Variants in RASGEF1A observed in about 807,000 individuals in gnomAD.
RASGEF1A encodes the protein RasGEF domain family member 1A, also known as ras-GEF domain-containing family member 1A.
A neutral mutation model predicts 56.4 loss-of-function variants in RASGEF1A; 18 were observed. That is an observed-to-expected ratio of 0.32 (90% CI 0.22 to 0.47). The LOEUF (loss-of-function observed/expected upper bound fraction) is 0.47. RASGEF1A is among the 20% of genes least tolerant of loss of function. RASGEF1A has a pLI of 1.00. For synonymous variants in RASGEF1A, 245 were observed against 242.6 expected (o/e 1.01, Z -0.09); for missense variants, 422 against 627.1 (o/e 0.67, Z 3.49).
In RASGEF1A at chr10:43,229,845, C is replaced by T. The variant is rs957465910; in HGVS notation, c.-6-23723G>A. 7 of 828,458 alleles carry T rather than the reference C, an allele frequency of 8.4e-6. No individual in the cohort carries two copies. The African/African-American group carries it at 1.3e-4, about 15-fold the overall frequency. The allele number at this position is 828,458 out of a possible 1,614,324, so 51.3% of individuals were successfully genotyped here. Reference sequence around the variant, plus strand: ...TGGGGACCGCGGGGTCCGGGCGGGGCAGAGGGGCCGCGAGGCCGGCCAGGA... The same window carrying T: ...TGGGGACCGCGGGGTCCGGGCGGGGTAGAGGGGCCGCGAGGCCGGCCAGGA... On this transcript the variant is annotated intron_variant, in intron 1 of 12. Transcript: ENST00000395810.
At chr10:43,225,781 T>C (rs544270530) in intron 1 of RASGEF1A, among the ~76,000 whole-genome samples, 1 of 152,052 alleles carries the variant, frequency 6.6e-6, no homozygotes, top group Non-Finnish European at 1.5e-5. Flanking sequence ...CAGTCCCTGT[T>C]TTAAGGACAT....
chr10:43,248,155 A>G (rs1265638344), intron 1 of RASGEF1A, among the ~76,000 whole-genome samples: 1 of 151,938 alleles, frequency 6.6e-6, no homozygotes, highest in Non-Finnish European at 1.5e-5. Flanking sequence ...GAGGAGTTCG[A>G]GACCAGCCTG....
intron 1 of RASGEF1A, among the ~76,000 whole-genome samples, chr10:43,212,770 G>A (rs1003299292): frequency 2.0e-5 from 3 of 152,334 alleles, no homozygotes; most frequent in Admixed American, 6.5e-5. Context: ...ACGTTCTGGA[G>A]CTCAGCCTCA....
At chr10:43,252,132 C>A (rs574387492) in intron 1 of RASGEF1A, among the ~76,000 whole-genome samples, 1 of 152,208 alleles carries the variant, frequency 6.6e-6, no homozygotes, top group South Asian at 2.1e-4. Context: ...CTGGGGCAGG[C>A]CCCCAGAAGC....
At chr10:43,255,283 C>A (rs1051376339) in intron 1 of RASGEF1A, among the ~76,000 whole-genome samples, 2 of 152,300 alleles carry the variant, frequency 1.3e-5, no homozygotes, top group Admixed American at 6.5e-5. Context: ...CCCAGCCCTG[C>A]CCGCCTAGGC....
intron 1 of RASGEF1A, among the ~76,000 whole-genome samples, chr10:43,238,648 G>A (rs1840466089): frequency 6.6e-6 from 1 of 152,190 alleles, no homozygotes; most frequent in African/African-American, 2.4e-5. Context: ...GCAGGGGAGA[G>A]GCTGTCTGTG....
At chr10:43,237,308 C>A (rs1447539828) in intron 1 of RASGEF1A, among the ~76,000 whole-genome samples, 1 of 152,110 alleles carries the variant, frequency 6.6e-6, no homozygotes, top group African/African-American at 2.4e-5. Flanking sequence ...CTTCACTCCT[C>A]CCCGACCCCG....
At chr10:43,247,767 T>C (rs1840582721) in intron 1 of RASGEF1A, among the ~76,000 whole-genome samples, 1 of 152,158 alleles carries the variant, frequency 6.6e-6, no homozygotes, top group African/African-American at 2.4e-5. Flanking sequence ...TGAGGGATAA[T>C]TAAGAAGTTC....
intron 1 of RASGEF1A, among the ~76,000 whole-genome samples, chr10:43,242,642 C>G (rs138298642): frequency 0.047 from 7,158 of 152,232 alleles, 190 homozygotes; most frequent in South Asian, 0.088. Flanking sequence ...CGGTGATTCT[C>G]CTGCCTCGGC....
At chr10:43,264,251 C>T (rs1282159214) in intron 1 of RASGEF1A, among the ~76,000 whole-genome samples, 1 of 151,766 alleles carries the variant, frequency 6.6e-6, no homozygotes, top group Non-Finnish European at 1.5e-5. Context: ...CGGCCCAGAG[C>T]CCACTCTCAC....
chr10:43,239,657 T>C (rs527922867), intron 1 of RASGEF1A, among the ~76,000 whole-genome samples: 16 of 152,322 alleles, frequency 1.1e-4, no homozygotes, highest in Admixed American at 9.2e-4. Flanking sequence ...TGAAAACCAC[T>C]GGCGTAGCAG....
At chr10:43,262,249 C>G (rs532009753) in intron 1 of RASGEF1A, among the ~76,000 whole-genome samples, 1 of 152,316 alleles carries the variant, frequency 6.6e-6, no homozygotes, top group African/African-American at 2.4e-5. Flanking sequence ...GCCTCCTCCA[C>G]GGAAGCTACT....
chr10:43,205,981 T>C lies in RASGEF1A; in HGVS notation c.136A>G (p.Ile46Val), dbSNP rs768639399. The C allele has an allele frequency of 1.9e-5, 30 of 1,613,144 alleles. No homozygotes were observed. The highest frequency in any genetic ancestry group is 2.5e-5 in the Non-Finnish European group (29 of 1,179,984). ...ATCAGGGCCTCCAGGGACCCAGAGA[T>C]GAGGTGTCCATCTTGGAAGATGAGG... ...GDLIFQDGHL[I>V]SGSLEALMEH... Residue 46 changes from isoleucine to valine, a missense_variant, in exon 2 of 13, where the codon ATC becomes GTC. By Grantham distance (29) the Ile-to-Val change is conservative (BLOSUM62 3). This residue lies in a region of RASGEF1A where 273 missense variants were observed against 339.9 expected (regional missense o/e 0.80). Coordinates refer to ENST00000395810, the MANE Select transcript of RASGEF1A (RefSeq NM_145313.4).
chr10:43,242,947 C>T (rs929460949), intron 1 of RASGEF1A, among the ~76,000 whole-genome samples: 2 of 152,220 alleles, frequency 1.3e-5, no homozygotes, highest in South Asian at 2.1e-4. Context: ...TCTGCCCGCC[C>T]GCCACCCCGT....
chr10:43,222,444 G>A (rs1195925108), intron 1 of RASGEF1A, among the ~76,000 whole-genome samples: 2 of 152,070 alleles, frequency 1.3e-5, no homozygotes, highest in African/African-American at 4.8e-5. Context: ...CTGAAGGTTG[G>A]GTCCATCACC....
chr10:43,238,259 G>A (rs1365468216), intron 1 of RASGEF1A, among the ~76,000 whole-genome samples: 2 of 152,066 alleles, frequency 1.3e-5, no homozygotes, highest in Admixed American at 6.5e-5. Flanking sequence ...GTTAGCCGCC[G>A]CAGATTGAGA....
At chr10:43,198,729 T>A (rs186907493) in intron 9 of RASGEF1A, among the ~76,000 whole-genome samples, 1 of 152,232 alleles carries the variant, frequency 6.6e-6, no homozygotes, top group African/African-American at 2.4e-5. Context: ...CCTTAGGTGA[T>A]GCCGGGTCTG....
Position 43,203,285 on chromosome 10 carries a change from G to A in RASGEF1A, c.321+13C>T, listed in dbSNP as rs779495295. ...CCTGCCCCCGCCCGTGCCCCAGCCA[G>A]GCCCCGCCTCACCTTTTCAGGCCCG... On this transcript the variant is annotated intron_variant, in intron 3 of 12. Transcript: ENST00000395810. 1.9e-6 allele frequency: 3 copies of A among 1,547,762 alleles called. No homozygotes were observed. Among genetic ancestry groups the A allele is most frequent in the East Asian group, 2.4e-5 (1 of 41,028 alleles).
chr10:43,221,948 C>A (rs181243055), intron 1 of RASGEF1A, among the ~76,000 whole-genome samples: 41 of 152,362 alleles, frequency 2.7e-4, no homozygotes, highest in African/African-American at 9.6e-4. Context: ...GTGGCCCGGG[C>A]ACATACAGTC....
Sources: gnomAD v4.1 joint callset for allele counts (sites outside exome capture counted in the v4.1 genomes callset) on GRCh38, gnomAD v4.1.1 for gene constraint, gnomAD v4.1.1 regional missense constraint, MANE v1.5 for transcripts, NCBI Gene and HGNC (gene_info 2026-07-23, HGNC 2026-07-21) for gene names.